The following PTPRG variants were observed in gnomAD, a reference collection of about 807,000 sequenced individuals.
PTPRG encodes protein tyrosine phosphatase receptor type G, also known as receptor-type tyrosine-protein phosphatase gamma.
Under a neutral mutation model 165.3 loss-of-function variants are expected in PTPRG, and 102 were observed. That is an observed-to-expected ratio of 0.62 (90% CI 0.53 to 0.73). PTPRG has a LOEUF of 0.73. PTPRG is among the 30% of genes least tolerant of loss of function. The pLI is 0.00. For synonymous variants in PTPRG, 675 were observed against 669.5 expected (o/e 1.01, Z -0.13); for missense variants, 1,866 against 1,861.4 (o/e 1.00, Z -0.05).
intron 2 of PTPRG, among the ~76,000 whole-genome samples, chr3:61,804,653 T>C (rs2035355446): frequency 6.6e-6 from 1 of 151,740 alleles, no homozygotes; most frequent in Non-Finnish European, 1.5e-5. Context: ...GGATTTACTT[T>C]TTCTTTTCCT....
intron 2 of PTPRG, among the ~76,000 whole-genome samples, chr3:61,877,520 A>G (rs2037776354): frequency 6.6e-6 from 1 of 152,210 alleles, no homozygotes; most frequent in African/African-American, 2.4e-5. Flanking sequence ...TGACCAACCA[A>G]TTCACAGAAA....
intron 1 of PTPRG, among the ~76,000 whole-genome samples, chr3:61,618,103 T>C (rs1054315087): frequency 7.9e-5 from 12 of 152,172 alleles, no homozygotes; most frequent in Non-Finnish European, 1.8e-4. Context: ...AGTGGAAATA[T>C]TACACTGAAG....
At chr3:61,639,454 T>C (rs760727859) in intron 1 of PTPRG, among the ~76,000 whole-genome samples, 1 of 152,224 alleles carries the variant, frequency 6.6e-6, no homozygotes, top group African/African-American at 2.4e-5. Context: ...AAAAATGATA[T>C]TGGTAGTTTG....
chr3:62,136,022 A>G (rs185707204), intron 6 of PTPRG, among the ~76,000 whole-genome samples: 83 of 152,280 alleles, frequency 5.5e-4, no homozygotes, highest in Middle Eastern at 3.4e-3. Flanking sequence ...TGTCAGTTCA[A>G]CAAGCTCCTC....
At chr3:61,684,017 T>C (rs950664222) in intron 1 of PTPRG, among the ~76,000 whole-genome samples, 3 of 152,194 alleles carry the variant, frequency 2.0e-5, no homozygotes, top group South Asian at 2.1e-4. Flanking sequence ...GACATAAACA[T>C]GGTCTTGCAG....
chr3:61,969,256 C>G (rs988351542), intron 2 of PTPRG, among the ~76,000 whole-genome samples: 1 of 152,124 alleles, frequency 6.6e-6, no homozygotes, highest in Non-Finnish European at 1.5e-5. Flanking sequence ...AGCAGAGAAC[C>G]TTGTCCCTCA....
At chr3:61,956,645 T>C (rs1197494341) in intron 2 of PTPRG, among the ~76,000 whole-genome samples, 3 of 152,088 alleles carry the variant, frequency 2.0e-5, no homozygotes, top group African/African-American at 7.2e-5. Flanking sequence ...ATAAGGAAAA[T>C]GAAGCAGGGC....
At chr3:61,811,623 T>C (rs1175387149) in intron 2 of PTPRG, among the ~76,000 whole-genome samples, 1 of 152,194 alleles carries the variant, frequency 6.6e-6, no homozygotes, top group African/African-American at 2.4e-5. Flanking sequence ...CTGAGTTCTA[T>C]ATTGGAAAAT....
At chr3:61,966,194 C>T (rs1273239792) in intron 2 of PTPRG, among the ~76,000 whole-genome samples, 9 of 152,140 alleles carry the variant, frequency 5.9e-5, no homozygotes, top group African/African-American at 2.2e-4. Flanking sequence ...AATCATCTCG[C>T]ATGCTTAACT....
intron 4 of PTPRG, among the ~76,000 whole-genome samples, chr3:62,012,717 G>A (rs2041457929): frequency 6.6e-6 from 1 of 152,116 alleles, no homozygotes; most frequent in South Asian, 2.1e-4. Flanking sequence ...AGCTCAAAAA[G>A]TGTCAGATTT....
At chr3:62,036,212 G>A (rs1157551219) in intron 4 of PTPRG, among the ~76,000 whole-genome samples, 1 of 152,174 alleles carries the variant, frequency 6.6e-6, no homozygotes, top group African/African-American at 2.4e-5. Context: ...GTTGGGGGTT[G>A]TGGGTTACAG....
At chr3:62,049,910 C>A (rs1025693369) in intron 4 of PTPRG, among the ~76,000 whole-genome samples, 2 of 152,114 alleles carry the variant, frequency 1.3e-5, no homozygotes, top group South Asian at 2.1e-4. Flanking sequence ...TGAAAAACAT[C>A]AGAAAATGGT....
intron 2 of PTPRG, among the ~76,000 whole-genome samples, chr3:61,813,708 A>G (rs2035666414): frequency 6.6e-6 from 1 of 151,920 alleles, no homozygotes. Flanking sequence ...TGGCTCTTCC[A>G]TGGAACATCT....
intron 5 of PTPRG, among the ~76,000 whole-genome samples, chr3:62,106,467 C>A (rs1702474498): frequency 6.6e-6 from 1 of 151,002 alleles, no homozygotes; most frequent in Admixed American, 6.6e-5. Context: ...TAGTCCTAGT[C>A]CTGAATTTTT....
At chr3:62,220,380 G>T (rs1373734850) in intron 13 of PTPRG, among the ~76,000 whole-genome samples, 6 of 152,174 alleles carry the variant, frequency 3.9e-5, no homozygotes, top group South Asian at 4.1e-4. Context: ...AGAGACCATC[G>T]GGGAGACTAC....
At chr3:61,580,889 T>C (rs371882753) in intron 1 of PTPRG, among the ~76,000 whole-genome samples, 2 of 152,228 alleles carry the variant, frequency 1.3e-5, no homozygotes, top group East Asian at 1.9e-4. Context: ...AGCAAGGTAC[T>C]GTGTGATTTG....
intron 7 of PTPRG, among the ~76,000 whole-genome samples, chr3:62,160,052 G>A (rs1320793127): frequency 2.0e-5 from 3 of 152,234 alleles, no homozygotes; most frequent in Non-Finnish European, 2.9e-5. Flanking sequence ...GGAATTCCAT[G>A]TCTGCCTCTG....
chr3:61,955,396 A>G (rs1380675871), intron 2 of PTPRG, among the ~76,000 whole-genome samples: 1 of 152,240 alleles, frequency 6.6e-6, no homozygotes, highest in Non-Finnish European at 1.5e-5. Flanking sequence ...TAATGTTTAA[A>G]TAGTTTTTAA....
intron 2 of PTPRG, among the ~76,000 whole-genome samples, chr3:61,929,304 T>C (rs28695326): frequency 0.14 from 20,729 of 152,052 alleles, 1,871 homozygotes; most frequent in East Asian, 0.44. Flanking sequence ...TTTCACATTA[T>C]AAAATTTTTA....
Sources: allele counts gnomAD v4.1 joint callset (sites outside exome capture counted in the v4.1 genomes callset), GRCh38; gene constraint gnomAD v4.1.1; transcripts MANE v1.5; gene names NCBI Gene and HGNC (gene_info 2026-07-23, HGNC 2026-07-21).